The following FLG variants were observed in gnomAD, a reference collection of about 807,000 sequenced individuals.
FLG encodes the protein filaggrin.
In FLG, 6 loss-of-function variants were observed where a neutral mutation model predicts 3.8. That is an observed-to-expected ratio of 1.60 (90% CI 0.87 to 3.15). The LOEUF is 3.15. FLG is among the 30% of genes most tolerant of loss of function. The probability of loss-of-function intolerance (pLI) is 0.00; values close to 1 mark genes in which losing one functional copy is unlikely to be tolerated. For missense variants in FLG, 7,595 were observed against 5,050.9 expected (o/e 1.50, Z -15.27); for synonymous variants, 2,551 against 1,931.6 (o/e 1.32, Z -8.41).
chr1:152,302,832 A>T lies in FLG; in HGVS notation c.12054T>A (p.Ser4018Arg), dbSNP rs776967180. Reference sequence around the variant, plus strand: ...ACCTTGGATGATCTTTACCAAACGCACTTGCTTTACAGATATCAGATCTTT... The same window carrying T: ...ACCTTGGATGATCTTTACCAAACGCTCTTGCTTTACAGATATCAGATCTTT... ...FKERSDICKA[S>R]AFGKDHPRYY... Residue 4018 changes from serine (S) to arginine (R), a missense_variant, in exon 3 of 3, where the codon AGT becomes AGA. By Grantham distance (110) the Ser-to-Arg change is moderately radical. Transcript: ENST00000368799. The T allele has an allele frequency of 1.9e-6, 3 of 1,614,210 alleles. No individual in the cohort carries two copies. Among genetic ancestry groups the T allele is most frequent in the Non-Finnish European group, 2.5e-6 (3 of 1,180,030 alleles).
intron 1 of FLG, among the ~76,000 whole-genome samples, chr1:152,319,587 C>G (rs566506517): frequency 6.6e-6 from 1 of 151,454 alleles, no homozygotes; most frequent in South Asian, 2.1e-4. Context: ...TAAGAGCAGA[C>G]AGAGAAACAC....
In FLG at chr1:152,307,670, CT is replaced by C. The variant is rs1652073172; in HGVS notation, c.7215del (p.Gly2406GlufsTer13). On this transcript the variant is annotated frameshift_variant, in exon 3 of 3. Transcript: ENST00000368799. LOFTEE classifies it low-confidence loss of function (END_TRUNC). ...AAAGACCCTGAACGTCCAGACCTTC[CT>C]GCTGACCGGCCACGTGTGGACTCTT... ...SHQESTRGRS[A>X]GRSGRSGSFL... 3 of 1,613,408 alleles carry C rather than the reference CT, an allele frequency of 1.9e-6. No individual in the cohort carries two copies. Among genetic ancestry groups the C allele is most frequent in the Non-Finnish European group, 2.5e-6 (3 of 1,179,898 alleles).
Position 152,309,195 on chromosome 1 carries a change from GT to G in FLG, c.5690del (p.His1897ProfsTer198), listed in dbSNP as rs1246063885. The G allele has an allele frequency of 2.0e-5, 32 of 1,613,660 alleles. No individual in the cohort carries two copies. Among genetic ancestry groups the G allele is most frequent in the Admixed American group, 5.0e-5 (3 of 59,962 alleles). On this transcript the variant is annotated frameshift_variant, in exon 3 of 3. Transcript: ENST00000368799. LOFTEE classifies it low-confidence loss of function (END_TRUNC). ...EASSRADSSR[H>X]SQVGQGQSSG... ...ATGATTGTCCCTGGCCCACCTGCGA[GT>G]GTCTAGAGCTGTCGGCCCGAGAGGA...
chr1:152,307,281 A>C lies in FLG; in HGVS notation c.7605T>G (p.His2535Gln). 1 of 1,612,970 alleles carries C rather than the reference A, an allele frequency of 6.2e-7. No individual in the cohort carries two copies. The change falls in exon 3 of 3, where the codon CAT (histidine) becomes CAG (glutamine). Residue 2535 changes from histidine to glutamine, a missense_variant. Transcript: ENST00000368799. ...AGCTGTCGGCCCGAGAGGAAGCTTC[A>C]TGGTGACGCGACCCTGAGTGCCTGG... ...DGSRHSGSRH[H>Q]EASSRADSSG...
At position 152,303,264 on chromosome 1, in the gene FLG, C is replaced by G. The variant is rs142115347; in HGVS notation, c.11622G>C (p.Glu3874Asp). 268 of 1,614,032 alleles carry G rather than the reference C, an allele frequency of 1.7e-4. 1 individual carries two copies. In the African/African-American group the frequency reaches 3.2e-3, roughly 19 times the overall value. The change falls in exon 3 of 3, where the codon GAG (glutamate) becomes GAC (aspartate). Residue 3874 changes from glutamate (E) to aspartate (D), a missense_variant. Coordinates refer to ENST00000368799, the MANE Select transcript of FLG (RefSeq NM_002016.2). ...SQDSDSEAYP[E>D]DSERRSESAS... Reference sequence around the variant, plus strand: ...CAGACTCAGATCGCCTCTCAGAGTCCTCTGGGTATGCCTCACTGTCACTGT... The same window carrying G: ...CAGACTCAGATCGCCTCTCAGAGTCGTCTGGGTATGCCTCACTGTCACTGT...
At position 152,312,911 on chromosome 1, in the gene FLG, G is replaced by A. The variant is rs753341994; in HGVS notation, c.1975C>T (p.His659Tyr). The change falls in exon 3 of 3, where the codon CAC becomes TAC. Residue 659 changes from histidine (H) to tyrosine (Y), a missense_variant. By Grantham distance (83) the His-to-Tyr change is moderately conservative (BLOSUM62 2). Transcript: ENST00000368799. The part of the protein sequence containing the change: ...AQEQSRDGSR[H>Y]PRSHHEDRAG... ...CTGTCTTCGTGATGGGACCTGGGGT[G>A]TCTGGAGCCATCTCTTGACTGCTCC... 30 of 1,613,956 alleles carry A rather than the reference G, an allele frequency of 1.9e-5. No homozygotes were observed. The highest frequency in any genetic ancestry group is 1.8e-4 in the East Asian group (8 of 44,872).
Position 152,307,199 on chromosome 1 carries a change from A to G in FLG, c.7687T>C (p.Trp2563Arg), listed in dbSNP as rs138143041. The change falls in exon 3 of 3, where the codon TGG becomes CGG. Residue 2563 changes from tryptophan to arginine, a missense_variant. By Grantham distance (101) the Trp-to-Arg change is moderately radical. Transcript: ENST00000368799. ...CTGTCCTGGCTAAAACTGGATCCCC[A>G]GTTCCTGCTTGTCCTGGGCCCCTCT... ...QSEGPRTSRN[W>R]GSSFSQDSDS... The G allele has an allele frequency of 6.0e-5, 96 of 1,611,382 alleles. 6 individuals are homozygous for G. The African/African-American group carries it at 8.0e-4, about 13-fold the overall frequency.
Position 152,303,269 on chromosome 1 carries a change from G to C in FLG, c.11617C>G (p.Pro3873Ala), listed in dbSNP as rs1178359032. ...TCAGATCGCCTCTCAGAGTCCTCTGGGTATGCCTCACTGTCACTGTCCTGG... is the reference window on the plus strand; with the variant it reads ...TCAGATCGCCTCTCAGAGTCCTCTGCGTATGCCTCACTGTCACTGTCCTGG... ...VSQDSDSEAY[P>A]EDSERRSESA... The change falls in exon 3 of 3, where the codon CCA (proline) becomes GCA (alanine). Residue 3873 changes from proline (P) to alanine (A), a missense_variant. Physicochemically the swap from Pro to Ala is conservative, Grantham distance 27. Coordinates refer to ENST00000368799, the MANE Select transcript of FLG (RefSeq NM_002016.2). The C allele has an allele frequency of 6.2e-7, 1 of 1,613,772 alleles. No individual in the cohort carries two copies. The highest frequency in any genetic ancestry group is 8.5e-7 in the Non-Finnish European group (1 of 1,179,980).
Position 152,310,331 on chromosome 1 carries a change from G to A in FLG, c.4555C>T (p.His1519Tyr), listed in dbSNP as rs200756104. 4 of 1,613,952 alleles carry A rather than the reference G, an allele frequency of 2.5e-6. No individual in the cohort carries two copies. The highest frequency in any genetic ancestry group is 3.4e-6 in the Non-Finnish European group (4 of 1,179,992). The change falls in exon 3 of 3, where the codon CAC becomes TAC. Residue 1519 changes from histidine to tyrosine, a missense_variant. His to Tyr is a moderately conservative substitution (Grantham distance 83). Transcript: ENST00000368799. ...CTTCCCTGGGGTGTGGTGTGGCTGT[G>A]ATGGTACCCTGAGTGTCCAGACCTA... The part of the protein sequence containing the change: ...VDRSGHSGYH[H>Y]SHTTPQGRSD...
In FLG at chr1:152,314,041, A is replaced by C; in HGVS notation, c.845T>G (p.Val282Gly). The C allele has an allele frequency of 6.2e-7, 1 of 1,614,104 alleles. No individual in the cohort carries two copies. Among genetic ancestry groups the C allele is most frequent in the South Asian group, 1.1e-5 (1 of 91,078 alleles). The change falls in exon 3 of 3, where the codon GTA becomes GGA. Residue 282 changes from valine (V) to glycine (G), a missense_variant. Val to Gly is a moderately radical substitution (Grantham distance 109). Transcript: ENST00000368799. The part of the protein sequence containing the change: ...NRSRHENTSQ[V>G]PLQESRTRKR... ...TCTTGTCCTGGACTCCTGCAATGGT[A>C]CCTGGCTTGTATTTTCATGTCTTGA...
rs771303866 is a variant in FLG, at chr1:152,307,507, T to G, written c.7379A>C (p.Asp2460Ala). ...TGACCCCGGGTGTCCATGAATGGTG[T>G]CCTGACCCTCTTGGGACGTTGAGTG... ...SRHSTSQEGQ[D>A]TIHGHPGSSS... Residue 2460 changes from aspartate to alanine, a missense_variant, in exon 3 of 3, where the codon GAC becomes GCC. Physicochemically the swap from Asp to Ala is moderately radical, Grantham distance 126. Transcript: ENST00000368799. 3 of 1,613,234 alleles carry G rather than the reference T, an allele frequency of 1.9e-6. No homozygotes were observed. In the South Asian group the frequency reaches 3.3e-5, roughly 18 times the overall value.
chr1:152,305,499 C>G lies in FLG; in HGVS notation c.9387G>C (p.Ser3129=). The G allele has an allele frequency of 6.4e-7, 1 of 1,570,348 alleles. No homozygotes were observed. Among genetic ancestry groups the G allele is most frequent in the Non-Finnish European group, 8.6e-7 (1 of 1,164,706 alleles). ...GGRQGYHHEH[S]VDSSGHSGSH... The stretch of plus-strand genomic sequence containing the variant: ...ACCCTGAGTGTCCAGAGCTATCTAC[C>G]GAATGCTCGTGGTGGTACCCCTGCC... The change falls in exon 3 of 3, where the codon TCG becomes TCC. Residue 3129 remains serine (S), a synonymous_variant. Transcript: ENST00000368799.
At position 152,313,322 on chromosome 1, in the gene FLG, A is replaced by T; in HGVS notation, c.1564T>A (p.Ser522Thr). ...GATCCCTGCCTTCCTCCTCTGCTTG[A>T]CCCCGGGTGTCCACGAATGGTGTCC... ...GQDTIRGHPG[S>T]SRGGRQGSHH... Residue 522 changes from serine (S) to threonine (T), a missense_variant, in exon 3 of 3, where the codon TCA (serine) becomes ACA (threonine). Ser to Thr is a moderately conservative substitution (Grantham distance 58, BLOSUM62 1). Coordinates refer to ENST00000368799, the MANE Select transcript of FLG (RefSeq NM_002016.2). The T allele has an allele frequency of 6.2e-7, 1 of 1,611,602 alleles. No homozygotes were observed. Among genetic ancestry groups the T allele is most frequent in the Non-Finnish European group, 8.5e-7 (1 of 1,179,482 alleles).
At position 152,314,485 on chromosome 1, in the gene FLG, C is replaced by G; in HGVS notation, c.401G>C (p.Arg134Thr). 1.9e-6 allele frequency: 3 copies of G among 1,613,284 alleles called. No individual in the cohort carries two copies. The highest frequency in any genetic ancestry group is 1.1e-5 in the South Asian group (1 of 91,028). The change falls in exon 3 of 3, where the codon AGA becomes ACA. Residue 134 changes from arginine (R) to threonine (T), a missense_variant. By Grantham distance (71) the Arg-to-Thr change is moderately conservative (BLOSUM62 -1). Transcript: ENST00000368799. ...RPSSLERRNN[R>T]KGNKGRSKSP... ...CTTGGATCTTCCCTTATTCCCTTTT[C>G]TATTGTTTCTTCTTTCCAGACTTGA...
chr1:152,323,303 C>T (rs1653039002), intron 1 of FLG, among the ~76,000 whole-genome samples: 1 of 151,580 alleles, frequency 6.6e-6, no homozygotes, highest in Non-Finnish European at 1.5e-5. Flanking sequence ...ATAAATTGTA[C>T]TGCATTAAAA....
intron 1 of FLG, among the ~76,000 whole-genome samples, chr1:152,319,431 A>G (rs2101657026): frequency 6.6e-6 from 1 of 151,394 alleles, no homozygotes; most frequent in South Asian, 2.1e-4. Context: ...GGGGAATTAA[A>G]AGACAAAATT....
chr1:152,307,989 G>C lies in FLG; in HGVS notation c.6897C>G (p.Ser2299=), dbSNP rs1312286531. The change falls in exon 3 of 3, where the codon TCC becomes TCG. Residue 2299 remains serine, a synonymous_variant. Coordinates refer to ENST00000368799, the MANE Select transcript of FLG (RefSeq NM_002016.2). ...RAGHGHSAES[S]RQSGTHHAEN... The stretch of plus-strand genomic sequence containing the variant: ...CTGCATGATGAGTGCCTGATTGTCT[G>C]GAGCTCTCTGCAGAGTGCCCATGAC... 6.2e-7 allele frequency: 1 copy of C among 1,614,156 alleles called. No individual in the cohort carries two copies. Among genetic ancestry groups the C allele is most frequent in the Admixed American group, 1.7e-5 (1 of 60,030 alleles).
rs771542482 is a variant in FLG, at chr1:152,308,937, CT to C, written c.5948del (p.Glu1983GlyfsTer112). Reference sequence around the variant, plus strand: ...ACGCAGCCTGTCCACGAGAGGAAGACTCTGTGTGACGAGTGCCTGATTGTCT... The same window carrying C: ...ACGCAGCCTGTCCACGAGAGGAAGACCTGTGTGACGAGTGCCTGATTGTCT... ...SSRQSGTRHT[E>X]SSSRGQAASS... On this transcript the variant is annotated frameshift_variant, in exon 3 of 3. Coordinates refer to ENST00000368799, the MANE Select transcript of FLG (RefSeq NM_002016.2). LOFTEE classifies it low-confidence loss of function (END_TRUNC). The C allele has an allele frequency of 8.7e-6, 14 of 1,614,018 alleles. No individual in the cohort carries two copies. In the East Asian group the frequency reaches 3.1e-4, roughly 36 times the overall value.
chr1:152,312,204 T>C lies in FLG; in HGVS notation c.2682A>G (p.Arg894=). ...TTGATTGTTCCTCATTACGTGTTGTTCTGCTTGCACTTCTGGATCCTGACT... is the reference window on the plus strand; with the variant it reads ...TTGATTGTTCCTCATTACGTGTTGTCCTGCTTGCACTTCTGGATCCTGACT... ...RGQSGSRSAS[R]TTRNEEQSRD... is the part of the protein sequence containing the mutation. The change falls in exon 3 of 3, where the codon AGA becomes AGG. Residue 894 remains arginine (R), a synonymous_variant. Coordinates refer to ENST00000368799, the MANE Select transcript of FLG (RefSeq NM_002016.2). The C allele has an allele frequency of 1.9e-6, 3 of 1,613,758 alleles. No individual in the cohort carries two copies. Among genetic ancestry groups the C allele is most frequent in the Non-Finnish European group, 2.5e-6 (3 of 1,179,956 alleles).
Sources: allele counts gnomAD v4.1 joint callset (sites outside exome capture counted in the v4.1 genomes callset), GRCh38; gene constraint gnomAD v4.1.1; transcripts MANE v1.5; gene names NCBI Gene and HGNC (gene_info 2026-07-23, HGNC 2026-07-21).